The following CTNNA2 variants were observed in gnomAD, a reference collection of about 807,000 sequenced individuals.
CTNNA2 encodes catenin alpha-2.
CTNNA2 carries 42 observed loss-of-function variants against 101.0 expected under a neutral mutation model. That is an observed-to-expected ratio of 0.42 (90% CI 0.32 to 0.54). The LOEUF (loss-of-function observed/expected upper bound fraction) is 0.54. Ranked by LOEUF, CTNNA2 falls within the 20% of genes least tolerant of loss-of-function variation. The probability of loss-of-function intolerance (pLI) is 0.14; values close to 1 mark genes in which losing one functional copy is unlikely to be tolerated. For missense variants in CTNNA2, 871 were observed against 1,223.1 expected (o/e 0.71, Z 4.29); for synonymous variants, 450 against 456.4 (o/e 0.99, Z 0.18).
rs966579200 is a variant in CTNNA2 at position 79,263,766 on chromosome 2, G to A, written c.-405-48943G>A. ...GCTATCTCACCATGGAATGCCTCCC[G>A]CCATGTTATGAAGCAGCAGGAAGGG... On this transcript the variant is annotated intron_variant, in intron 2 of 21. Coordinates refer to the CTNNA2 transcript ENST00000466387. 6.6e-5 allele frequency among the ~76,000 whole-genome samples: 10 copies of A among 152,150 alleles called. 1 individual carries two copies. The highest frequency in any genetic ancestry group is 1.9e-4 in the East Asian group (1 of 5,162).
chr2:80,471,209 T>A (rs2149486255), intron 9 of CTNNA2, among the ~76,000 whole-genome samples: 1 of 152,322 alleles, frequency 6.6e-6, no homozygotes. Flanking sequence ...GCAGGAAGAC[T>A]GAGTAGGGGG....
intron 18 of CTNNA2, among the ~76,000 whole-genome samples, chr2:80,620,054 A>T (rs1459756346): frequency 6.6e-6 from 1 of 151,810 alleles, no homozygotes; most frequent in East Asian, 1.9e-4. Flanking sequence ...AACTATCAAG[A>T]TGCAAGCTTT....
At chr2:79,571,577 A>ATT (rs898423655) in intron 1 of CTNNA2, among the ~76,000 whole-genome samples, 1 of 151,772 alleles carries the variant, frequency 6.6e-6, no homozygotes, top group African/African-American at 2.4e-5. Flanking sequence ...TTTCTTCTCC[A>ATT]TTTTTTTCCC....
chr2:80,269,029 C>G (rs1012139531), intron 7 of CTNNA2, among the ~76,000 whole-genome samples: 2 of 152,170 alleles, frequency 1.3e-5, no homozygotes, highest in South Asian at 4.1e-4. Context: ...GCTGTCTGCT[C>G]AAGAAAGCAA....
At chr2:79,354,585 A>T (rs759814961) in intron 3 of CTNNA2, among the ~76,000 whole-genome samples, 1 of 152,026 alleles carries the variant, frequency 6.6e-6, no homozygotes, top group Non-Finnish European at 1.5e-5. Flanking sequence ...GGATTATTTT[A>T]TTGGATTCCT....
intron 7 of CTNNA2, among the ~76,000 whole-genome samples, chr2:79,959,595 G>T (rs959850897): frequency 6.6e-6 from 1 of 152,222 alleles, no homozygotes; most frequent in African/African-American, 2.4e-5. Context: ...GCAACTTCAT[G>T]TATTAGTGGT....
Position 80,591,457 on chromosome 2 carries a change from G to GTTTTTTTTTT in CTNNA2, c.2189+1984_2189+1993dup, listed in dbSNP as rs567131551. On this transcript the variant is annotated intron_variant, in intron 15 of 18. Transcript: ENST00000402739. ...ATTGCTGCCTCCATCTGCACAGCCT[G>GTTTTTTTTTT]TTTTTTTTTTTTTTTTTTTTTGCAA... Among the ~76,000 whole-genome samples, 101 of 70,306 alleles carry GTTTTTTTTTT rather than the reference G, an allele frequency of 1.4e-3. 9 individuals carry two copies. Among genetic ancestry groups the GTTTTTTTTTT allele is most frequent in the African/African-American group, 3.7e-3 (81 of 21,922 alleles). The allele number at this position is 70,306 out of a possible 152,430, so 46.1% of individuals were successfully genotyped here.
intron 7 of CTNNA2, among the ~76,000 whole-genome samples, chr2:80,381,726 C>T (rs1676532088): frequency 1.3e-5 from 2 of 152,182 alleles, no homozygotes; most frequent in South Asian, 4.1e-4. Context: ...CACATACTTT[C>T]CTCACTTTCC....
intron 2 of CTNNA2, among the ~76,000 whole-genome samples, chr2:79,301,094 C>T (rs1328813907): frequency 2.0e-5 from 3 of 152,228 alleles, no homozygotes; most frequent in Non-Finnish European, 2.9e-5. Flanking sequence ...TTCCATATTA[C>T]AAGATGCCTT....
chr2:79,651,719 C>T, intron 2 of CTNNA2, 61 bp downstream of exon 2: 2 of 1,425,388 alleles, frequency 1.4e-6, no homozygotes, highest in South Asian at 2.3e-5. Context: ...TATATCCTGA[C>T]TCTTGGAAAA....
At chr2:80,413,196 T>A (rs1321713289) in intron 8 of CTNNA2, among the ~76,000 whole-genome samples, 9 of 152,182 alleles carry the variant, frequency 5.9e-5, no homozygotes, top group Admixed American at 4.6e-4. Flanking sequence ...GTGTTGCTAA[T>A]GATGACAGTT....
In CTNNA2 at chr2:79,981,884, G is replaced by A. The variant is rs190634846; in HGVS notation, c.1056+72087G>A. 1.8e-4 allele frequency among the ~76,000 whole-genome samples: 28 copies of A among 151,988 alleles called. No homozygotes were observed. In the East Asian group the frequency reaches 3.5e-3, roughly 19 times the overall value. ...CAAACTTTGATTTAAACCTGGATCC[G>A]TAACCCAGAATTAGCCTTTCTTGAT... On this transcript the variant is annotated intron_variant, in intron 7 of 18. Transcript: ENST00000402739.
intron 1 of CTNNA2, among the ~76,000 whole-genome samples, chr2:79,553,040 G>A: frequency 6.6e-6 from 1 of 152,026 alleles, no homozygotes; most frequent in East Asian, 1.9e-4. Flanking sequence ...CTACCACATG[G>A]CCAGGTTGCA....
At chr2:79,987,571 G>T (rs890161614) in intron 7 of CTNNA2, among the ~76,000 whole-genome samples, 5 of 149,656 alleles carry the variant, frequency 3.3e-5, no homozygotes, top group Admixed American at 2.0e-4. Flanking sequence ...TTAGTAAATG[G>T]AAGGTATAAG....
intron 2 of CTNNA2, among the ~76,000 whole-genome samples, chr2:79,668,330 A>G (rs1454462401): frequency 2.0e-5 from 3 of 148,168 alleles, no homozygotes; most frequent in Non-Finnish European, 3.0e-5. Flanking sequence ...TTCTTTCCTC[A>G]TTTATTTCTA....
chr2:79,996,868 A>G (rs1398450754), intron 7 of CTNNA2, among the ~76,000 whole-genome samples: 2 of 152,096 alleles, frequency 1.3e-5, no homozygotes, highest in African/African-American at 4.8e-5. Context: ...CATGGGGAAG[A>G]CACTGGCCAT....
At chr2:80,102,632 C>T (rs970464262) in intron 7 of CTNNA2, among the ~76,000 whole-genome samples, 1 of 152,176 alleles carries the variant, frequency 6.6e-6, no homozygotes, top group Non-Finnish European at 1.5e-5. Flanking sequence ...CCTGCCTCAG[C>T]CTCCTGAGTA....
chr2:80,588,947 G>A (rs1696204979), intron 14 of CTNNA2, among the ~76,000 whole-genome samples: 2 of 152,140 alleles, frequency 1.3e-5, no homozygotes, highest in African/African-American at 2.4e-5. Flanking sequence ...TGAAAGAGGT[G>A]CATTCTTTCA....
intron 4 of CTNNA2, among the ~76,000 whole-genome samples, chr2:79,411,620 C>T (rs1429519770): frequency 6.6e-6 from 1 of 151,960 alleles, no homozygotes; most frequent in Non-Finnish European, 1.5e-5. Flanking sequence ...AATTTTCAAC[C>T]CAGAATTTCA....
Sources: gnomAD v4.1 joint callset for allele counts (sites outside exome capture counted in the v4.1 genomes callset) on GRCh38, gnomAD v4.1.1 for gene constraint, MANE v1.5 for transcripts, NCBI Gene and HGNC (gene_info 2026-07-23, HGNC 2026-07-21) for gene names.